DOCK2: variants seen among roughly 807,000 people sequenced by gnomAD.
DOCK2 encodes the protein dedicator of cytokinesis protein 2.
In DOCK2, 87 loss-of-function variants were observed where a neutral mutation model predicts 248.9. That is an observed-to-expected ratio of 0.35 (90% confidence interval 0.29 to 0.42). DOCK2 has a LOEUF of 0.42. Ranked by LOEUF, DOCK2 falls within the 10% of genes least tolerant of loss-of-function variation. DOCK2 has a pLI of 1.00. For synonymous variants in DOCK2, 805 were observed against 821.6 expected (o/e 0.98, Z 0.35); for missense variants, 1,747 against 2,300.2 (o/e 0.76, Z 4.92).
chr5:169,971,465 G>A lies in DOCK2; in HGVS notation c.2800-11603G>A, dbSNP rs114384923. On this transcript the variant is annotated intron_variant, in intron 27 of 51. Transcript: ENST00000520908. ...TTTTTTTCATGAAAGACATCAGAAG[G>A]AATGCTCTATCCAAAAGGGCTTTAC... 4.3e-3 allele frequency among the ~76,000 whole-genome samples: 622 copies of A among 146,264 alleles called. 2 individuals carry two copies. The highest frequency in any genetic ancestry group is 0.014 in the African/African-American group (566 of 39,042).
chr5:169,819,561 C>A (rs1007887732), intron 26 of DOCK2, among the ~76,000 whole-genome samples: 1 of 151,462 alleles, frequency 6.6e-6, no homozygotes, highest in South Asian at 2.1e-4. Flanking sequence ...CTAGTGGATG[C>A]AGTGAGCTGT....
chr5:169,661,131 A>G (rs988958623), intron 2 of DOCK2, among the ~76,000 whole-genome samples: 2 of 152,270 alleles, frequency 1.3e-5, no homozygotes, highest in Admixed American at 6.5e-5. Flanking sequence ...TTTTTAATCC[A>G]ATTTAAGCCT....
At chr5:169,890,345 T>C (rs1159512254) in intron 27 of DOCK2, among the ~76,000 whole-genome samples, 2 of 152,206 alleles carry the variant, frequency 1.3e-5, no homozygotes, top group African/African-American at 4.8e-5. Flanking sequence ...ATCATTCACC[T>C]CTGGGCCTTG....
At chr5:170,040,252 C>T (rs1329147911) in intron 36 of DOCK2, among the ~76,000 whole-genome samples, 1 of 152,222 alleles carries the variant, frequency 6.6e-6, no homozygotes, top group Non-Finnish European at 1.5e-5. Flanking sequence ...TTCACTGCCC[C>T]TTAATACCTA....
At chr5:170,044,454 G>A (rs887924325) in intron 38 of DOCK2, among the ~76,000 whole-genome samples, 15 of 152,114 alleles carry the variant, frequency 9.9e-5, no homozygotes, top group African/African-American at 2.2e-4. Flanking sequence ...TTCCTGCCCC[G>A]CCCTTTCCCT....
intron 27 of DOCK2, among the ~76,000 whole-genome samples, chr5:169,928,888 G>A (rs1775608218): frequency 6.6e-6 from 1 of 152,182 alleles, no homozygotes; most frequent in Non-Finnish European, 1.5e-5. Context: ...TGCCCTGGGT[G>A]TTTCTGTTCC....
At chr5:169,843,401 A>T (rs1049070135) in intron 27 of DOCK2, among the ~76,000 whole-genome samples, 5 of 152,222 alleles carry the variant, frequency 3.3e-5, no homozygotes, top group African/African-American at 1.2e-4. Flanking sequence ...AGGTGCCTGT[A>T]GTCCCAGCTA....
intron 25 of DOCK2, chr5:169,773,183 C>T (rs1340598843): frequency 6.6e-6 from 1 of 152,124 alleles, no homozygotes; most frequent in African/African-American, 2.4e-5. Context: ...AGAGAGAAAC[C>T]TTCAGATCCA....
intron 27 of DOCK2, among the ~76,000 whole-genome samples, chr5:169,854,077 C>A (rs1770766500): frequency 6.6e-6 from 1 of 151,752 alleles, no homozygotes; most frequent in Non-Finnish European, 1.5e-5. Flanking sequence ...CCCACCTCGG[C>A]CTCCCAAAGT....
At chr5:169,698,348 A>C (rs1259969755) in intron 10 of DOCK2, 26 bp from the exon 11 acceptor site, 2 of 1,609,516 alleles carry the variant, frequency 1.2e-6, no homozygotes. Context: ...AAGTTAAACC[A>C]TTAATTCATT....
intron 27 of DOCK2, chr5:169,864,294 C>A: frequency 6.4e-7 from 1 of 1,551,572 alleles, no homozygotes; most frequent in South Asian, 1.2e-5. Context: ...AGAAGCATTT[C>A]TTTTTCACCT....
At chr5:169,642,912 T>C (rs1456872969) in intron 1 of DOCK2, among the ~76,000 whole-genome samples, 1 of 152,240 alleles carries the variant, frequency 6.6e-6, no homozygotes, top group Non-Finnish European at 1.5e-5. Context: ...GTAGTCACCA[T>C]ACTGCTCCGC....
At chr5:170,076,352 T>C (rs1757839926) in intron 47 of DOCK2, among the ~76,000 whole-genome samples, 1 of 152,356 alleles carries the variant, frequency 6.6e-6, no homozygotes, top group African/African-American at 2.4e-5. Context: ...AAAGCTACAC[T>C]GATGCAGCAT....
At chr5:169,845,077 A>G (rs1235715054) in intron 27 of DOCK2, among the ~76,000 whole-genome samples, 1 of 151,122 alleles carries the variant, frequency 6.6e-6, no homozygotes, top group Non-Finnish European at 1.5e-5. Context: ...ACTGCACCCC[A>G]AACTCAACTC....
chr5:169,775,919 T>C (rs1765358580), intron 25 of DOCK2, among the ~76,000 whole-genome samples: 1 of 151,736 alleles, frequency 6.6e-6, no homozygotes, highest in Non-Finnish European at 1.5e-5. Flanking sequence ...AGGGGGGCCT[T>C]GGACCACACC....
chr5:169,992,271 T>C (rs1275904255), intron 29 of DOCK2, among the ~76,000 whole-genome samples: 1 of 152,192 alleles, frequency 6.6e-6, no homozygotes, highest in Non-Finnish European at 1.5e-5. Context: ...TGGCAGGCAG[T>C]TGAAAACCAT....
chr5:169,921,329 A>G (rs762036958), intron 27 of DOCK2, among the ~76,000 whole-genome samples: 1 of 152,220 alleles, frequency 6.6e-6, no homozygotes, highest in South Asian at 2.1e-4. Flanking sequence ...GGAAATCTGT[A>G]TAATCTTTAT....
In DOCK2 at chr5:170,058,204, T is replaced by A. The variant is rs377655026; in HGVS notation, c.4467+538T>A. Among the ~76,000 whole-genome samples, 5 of 152,180 alleles carry A rather than the reference T, an allele frequency of 3.3e-5. No individual in the cohort carries two copies. The East Asian group carries it at 7.7e-4, about 23-fold the overall frequency. ...CCTCAGACAGCTAAAGATCTTGCAG[T>A]CCCCAAGATACAGAGGAATGGTCAG... is the stretch of plus-strand genomic sequence containing the variant. On this transcript the variant is annotated intron_variant, in intron 44 of 51. Transcript: ENST00000520908.
At chr5:169,843,946 A>C (rs910141012) in intron 27 of DOCK2, among the ~76,000 whole-genome samples, 3 of 152,196 alleles carry the variant, frequency 2.0e-5, no homozygotes, top group African/African-American at 7.2e-5. Flanking sequence ...TTGTTTATCC[A>C]GTCACTAGTG....
Sources: gnomAD v4.1 joint callset for allele counts (sites outside exome capture counted in the v4.1 genomes callset) on GRCh38, gnomAD v4.1.1 for gene constraint, MANE v1.5 for transcripts, NCBI Gene and HGNC (gene_info 2026-07-23, HGNC 2026-07-21) for gene names.